STARD9: variants seen among roughly 807,000 people sequenced by gnomAD.
STARD9 encodes StAR related lipid transfer domain containing 9.
In STARD9, 346 loss-of-function variants were observed where a neutral mutation model predicts 399.8. The observed-to-expected ratio is 0.87, with a 90% CI of 0.79 to 0.95. The LOEUF is 0.95. Among genes scored for constraint, STARD9 ranks in the 40% least tolerant of loss-of-function variants. STARD9 has a pLI of 0.00. For synonymous variants in STARD9, 2,203 were observed against 2,143.5 expected (o/e 1.03, Z -0.77); for missense variants, 5,832 against 5,667.5 (o/e 1.03, Z -0.93).
Position 42,695,215 on chromosome 15 carries a change from C to A in STARD9, c.13038C>A (p.Ala4346=). 1 of 1,537,154 alleles carries A rather than the reference C, an allele frequency of 6.5e-7. No individual in the cohort carries two copies. Among genetic ancestry groups the A allele is most frequent in the Non-Finnish European group, 8.7e-7 (1 of 1,146,860 alleles). ...TGATGCTGCAAGACTACCAGCAGGC[C>A]CATGAGGAGGCCAAGGTGGAGATTG... ...IELMLQDYQQ[A]HEEAKVEIAR... is the part of the protein sequence containing the mutation. Residue 4346 remains alanine, a synonymous_variant, in exon 25 of 33, where the codon GCC becomes GCA. Coordinates refer to ENST00000290607, the MANE Select transcript of STARD9 (RefSeq NM_020759.3).
Position 42,692,525 on chromosome 15 carries a change from C to T in STARD9, c.10947C>T (p.Arg3649=). 1 of 1,537,180 alleles carries T rather than the reference C, an allele frequency of 6.5e-7. No homozygotes were observed. Among genetic ancestry groups the T allele is most frequent in the Admixed American group, 2.0e-5 (1 of 51,010 alleles). ...EQGTQTLGSR[R]HWSSTDISFA... The stretch of plus-strand genomic sequence containing the variant: ...GCACACAGACCCTCGGCAGCAGGCG[C>T]CACTGGAGCAGCACTGACATCTCCT... Residue 3649 remains arginine (R), a synonymous_variant, in exon 23 of 33, where the codon CGC becomes CGT. Coordinates refer to ENST00000290607, the MANE Select transcript of STARD9 (RefSeq NM_020759.3).
Position 42,686,623 on chromosome 15 carries a change from A to T in STARD9, c.5045A>T (p.Gln1682Leu), listed in dbSNP as rs1318708969. ...CCTCTCAGGAAAAATAGTGCAGTCC[A>T]GCCAGGGCAATTAAGTCCCGACAGC... ...WAPLRKNSAV[Q>L]PGQLSPDSHY... The change falls in exon 23 of 33, where the codon CAG becomes CTG. Residue 1682 changes from glutamine (Q) to leucine (L), a missense_variant. Gln to Leu is a moderately radical substitution (Grantham distance 113). Around this residue, in one of 2 missense-constraint regions of STARD9, gnomAD observed 5,828 missense variants for 5,651.1 expected, o/e 1.03. Coordinates refer to ENST00000290607, the MANE Select transcript of STARD9 (RefSeq NM_020759.3). 1 of 1,537,196 alleles carries T rather than the reference A, an allele frequency of 6.5e-7. No individual in the cohort carries two copies. Among genetic ancestry groups the T allele is most frequent in the Non-Finnish European group, 8.7e-7 (1 of 1,146,956 alleles).
At chr15:42,633,923 C>A (rs2059376491) in intron 3 of STARD9, among the ~76,000 whole-genome samples, 1 of 152,054 alleles carries the variant, frequency 6.6e-6, no homozygotes, top group South Asian at 2.1e-4. Flanking sequence ...GAATTACAGG[C>A]CTGAGCCACC....
chr15:42,624,418 G>T (rs2059155466), intron 3 of STARD9, among the ~76,000 whole-genome samples: 1 of 150,672 alleles, frequency 6.6e-6, no homozygotes, highest in South Asian at 2.1e-4. Context: ...CAGAATTTAA[G>T]ATCTTGAAGG....
rs1566965932 is a variant in STARD9, at chr15:42,712,078, ATATT to A, written c.13285-4598_13285-4595del. Among the ~76,000 whole-genome samples the A allele has an allele frequency of 4.2e-4, 18 of 43,178 alleles. 6 individuals carry two copies. Among genetic ancestry groups the A allele is most frequent in the African/African-American group, 1.6e-3 (4 of 2,488 alleles). The allele number at this position is 43,178 out of a possible 152,430, so 28.3% of individuals were successfully genotyped here. A position where few individuals can be genotyped will look rare whatever the true frequency, so the allele number is the denominator to read the frequency against. On this transcript the variant is annotated intron_variant, in intron 26 of 32. Coordinates refer to ENST00000290607, the MANE Select transcript of STARD9 (RefSeq NM_020759.3). ...TGAGCATCTTTTTATATATATATATATATTATATATATATATATAATATATAATA... is the reference window on the plus strand; with the variant it reads ...TGAGCATCTTTTTATATATATATATAATATATATATATATAATATATAATA...
chr15:42,675,712 C>G lies in STARD9; in HGVS notation c.1736C>G (p.Pro579Arg), dbSNP rs1256845098. 6.5e-7 allele frequency: 1 copy of G among 1,537,226 alleles called. No homozygotes were observed. The highest frequency in any genetic ancestry group is 1.2e-5 in the South Asian group (1 of 84,058). ...GKAQKFRFNH[P>R]AEAAVLRQRR... ...GCACAGAAGTTCCGATTCAACCACC[C>G]AGCAGAGGCTGCTGTCCTGCGGCAG... Residue 579 changes from proline (P) to arginine (R), a missense_variant, in exon 19 of 33, where the codon CCA (proline) becomes CGA (arginine). By Grantham distance (103) the Pro-to-Arg change is moderately radical. Coordinates refer to ENST00000290607, the MANE Select transcript of STARD9 (RefSeq NM_020759.3).
intron 8 of STARD9, among the ~76,000 whole-genome samples, chr15:42,651,705 A>T (rs1017180694): frequency 6.6e-6 from 1 of 152,154 alleles, no homozygotes; most frequent in East Asian, 1.9e-4. Flanking sequence ...GACCAAGTTA[A>T]TTGAACATAA....
chr15:42,680,108 G>A (rs1337898594), intron 20 of STARD9, among the ~76,000 whole-genome samples: 1 of 152,144 alleles, frequency 6.6e-6, no homozygotes, highest in African/African-American at 2.4e-5. Context: ...CCCATCCTGG[G>A]GTGCCCATAC....
At chr15:42,666,332 A>G (rs1435755622) in intron 15 of STARD9, among the ~76,000 whole-genome samples, 1 of 152,204 alleles carries the variant, frequency 6.6e-6, no homozygotes, top group Non-Finnish European at 1.5e-5. Flanking sequence ...CAGAGCAGAT[A>G]TCATATGTTG....
intron 3 of STARD9, among the ~76,000 whole-genome samples, chr15:42,597,047 C>G (rs1465799444): frequency 6.6e-6 from 1 of 152,024 alleles, no homozygotes; most frequent in Non-Finnish European, 1.5e-5. Flanking sequence ...AAACATTTTC[C>G]CTGTTTATAC....
chr15:42,650,736 A>G (rs1454881960), intron 7 of STARD9, among the ~76,000 whole-genome samples: 6 of 152,188 alleles, frequency 3.9e-5, no homozygotes, highest in Admixed American at 3.9e-4. Context: ...GCAGAACTGT[A>G]AGGAATTATA....
intron 3 of STARD9, among the ~76,000 whole-genome samples, chr15:42,588,898 T>A (rs1432044469): frequency 6.9e-6 from 1 of 144,426 alleles, no homozygotes; most frequent in East Asian, 2.2e-4. Context: ...CGCTGCAACC[T>A]CCGCCTCCTG....
At position 42,637,952 on chromosome 15, in the gene STARD9, T is replaced by A; in HGVS notation, c.384+13T>A. The stretch of plus-strand genomic sequence containing the variant: ...ACGGATATGTGAGGTATAGACTATC[T>A]TTTGGCTGGATCCTCTCAAAGTAGG... On this transcript the variant is annotated intron_variant, in intron 5 of 32. Transcript: ENST00000290607. The A allele has an allele frequency of 6.5e-7, 1 of 1,537,310 alleles. No individual in the cohort carries two copies. The highest frequency in any genetic ancestry group is 8.7e-7 in the Non-Finnish European group (1 of 1,146,920).
At position 42,688,989 on chromosome 15, in the gene STARD9, C is replaced by G. The variant is rs2060626176; in HGVS notation, c.7411C>G (p.Gln2471Glu). The stretch of plus-strand genomic sequence containing the variant: ...TGCTTCTGAAGCCGAGGTGGCTGTA[C>G]AAAAAGAAATAAGAGTCAGTTCACT... ...DFASEAEVAV[Q>E]KEIRVSSLNK... Residue 2471 changes from glutamine to glutamate, a missense_variant, in exon 23 of 33, where the codon CAA becomes GAA. This residue lies in a region of STARD9 where 5,828 missense variants were observed against 5,651.1 expected (regional missense o/e 1.03). Coordinates refer to ENST00000290607, the MANE Select transcript of STARD9 (RefSeq NM_020759.3). The G allele has an allele frequency of 4.6e-6, 7 of 1,537,146 alleles. No individual in the cohort carries two copies. The highest frequency in any genetic ancestry group is 6.1e-6 in the Non-Finnish European group (7 of 1,146,920).
rs1249330555 is a variant in STARD9, at chr15:42,686,031, T to C, written c.4453T>C (p.Ser1485Pro). The change falls in exon 23 of 33, where the codon TCT (serine) becomes CCT (proline). Residue 1485 changes from serine (S) to proline (P), a missense_variant. Around this residue, in one of 2 missense-constraint regions of STARD9, gnomAD observed 5,828 missense variants for 5,651.1 expected, o/e 1.03. Transcript: ENST00000290607. ...HVGSTHERDW[S>P]ALQQKYLLEL... The stretch of plus-strand genomic sequence containing the variant: ...AGGCAGCACCCATGAAAGGGATTGG[T>C]CTGCCCTTCAGCAGAAGTACCTCCT... The C allele has an allele frequency of 6.5e-7, 1 of 1,537,196 alleles. No individual in the cohort carries two copies. The highest frequency in any genetic ancestry group is 2.4e-5 in the East Asian group (1 of 40,930).
chr15:42,622,217 G>A (rs2059106668), intron 3 of STARD9, among the ~76,000 whole-genome samples: 2 of 152,086 alleles, frequency 1.3e-5, no homozygotes, highest in South Asian at 4.1e-4. Context: ...AAGCTGTAGT[G>A]GGCTGTGATT....
rs2060749699 is a variant in STARD9 at position 42,692,971 on chromosome 15, T to C, written c.11393T>C (p.Leu3798Pro). The C allele has an allele frequency of 6.5e-7, 1 of 1,537,058 alleles. No individual in the cohort carries two copies. The highest frequency in any genetic ancestry group is 2.0e-5 in the Admixed American group (1 of 50,978). Residue 3798 changes from leucine (L) to proline (P), a missense_variant, in exon 23 of 33, where the codon CTC (leucine) becomes CCC (proline). By Grantham distance (98) the Leu-to-Pro change is moderately conservative. Coordinates refer to ENST00000290607, the MANE Select transcript of STARD9 (RefSeq NM_020759.3). ...ACAGCACAGAAAATGGCTCAGCTCC[T>C]CTATCTTCAGGAAGAAAGCACTCCC... is the stretch of plus-strand genomic sequence containing the variant. Reference protein sequence around the residue: ...EETAQKMAQLLYLQEESTPYK... With the variant: ...EETAQKMAQLPYLQEESTPYK...
At chr15:42,669,967 C>G (rs2060173914) in intron 16 of STARD9, 1 of 152,262 alleles carries the variant, frequency 6.6e-6, no homozygotes, top group Non-Finnish European at 1.5e-5. Context: ...AGGAGAATCA[C>G]TTGAACCCAG....
chr15:42,601,007 C>T (rs2058611381), intron 3 of STARD9, among the ~76,000 whole-genome samples: 1 of 151,786 alleles, frequency 6.6e-6, no homozygotes, highest in South Asian at 2.1e-4. Context: ...AGGCAGAGAG[C>T]CCTGCCGCCT....
Sources: allele counts gnomAD v4.1 joint callset (sites outside exome capture counted in the v4.1 genomes callset), GRCh38; gene constraint gnomAD v4.1.1; regional missense constraint gnomAD v4.1.1; transcripts MANE v1.5; gene names NCBI Gene and HGNC (gene_info 2026-07-23, HGNC 2026-07-21).